The following DACH2 variants were observed in gnomAD, a reference collection of about 807,000 sequenced individuals.
DACH2 encodes the protein dachshund homolog 2.
A neutral mutation model predicts 35.8 loss-of-function variants in DACH2; 17 were observed. That is an observed-to-expected ratio of 0.48 (90% CI 0.33 to 0.71). The LOEUF (loss-of-function observed/expected upper bound fraction) is 0.71, where lower values mean the gene tolerates loss of function less well. DACH2 is among the 30% of genes least tolerant of loss of function. DACH2 has a pLI of 0.02. For synonymous variants in DACH2, 195 were observed against 177.3 expected (o/e 1.10, Z -0.79); for missense variants, 469 against 472.7 (o/e 0.99, Z 0.07).
intron 11 of DACH2, chrX:86,830,645 T>C (rs1401370839): frequency 2.7e-5 from 3 of 111,911 alleles, no homozygotes; most frequent in Admixed American, 1.9e-4. Flanking sequence ...TCGCTATTCA[T>C]TGCTGAGTTC....
chrX:86,416,958 G>C (rs1201074269), intron 2 of DACH2, among the ~76,000 whole-genome samples: 1 of 108,892 alleles, frequency 9.2e-6, no homozygotes, highest in Non-Finnish European at 1.9e-5. Flanking sequence ...GCCAAGTGTG[G>C]TCGTGGACAC....
At chrX:86,211,852 A>G (rs1048532677) in intron 1 of DACH2, among the ~76,000 whole-genome samples, 1 of 111,731 alleles carries the variant, frequency 9.0e-6, no homozygotes, top group Non-Finnish European at 1.9e-5. Flanking sequence ...CAGTTTACAG[A>G]AGTGATTCAG....
At chrX:86,242,538 C>T (rs181202834) in intron 1 of DACH2, among the ~76,000 whole-genome samples, 4 of 111,898 alleles carry the variant, frequency 3.6e-5, no homozygotes, top group East Asian at 2.8e-4. Flanking sequence ...TCAGATGAGA[C>T]TTTGGACTTA....
chrX:86,426,536 T>C (rs2036896502), intron 2 of DACH2, among the ~76,000 whole-genome samples: 1 of 111,945 alleles, frequency 8.9e-6, no homozygotes, highest in African/African-American at 3.2e-5. Flanking sequence ...CCCTAAACAA[T>C]TTTGCTAAAC....
chrX:86,193,212 G>A (rs764162544), intron 1 of DACH2, among the ~76,000 whole-genome samples: 2 of 111,728 alleles, frequency 1.8e-5, no homozygotes, highest in Non-Finnish European at 3.8e-5. Context: ...TGTAACTTAA[G>A]CCCATGCAGT....
At chrX:86,331,028 AAAG>A (rs973533036) in intron 1 of DACH2, among the ~76,000 whole-genome samples, 2 of 111,528 alleles carry the variant, frequency 1.8e-5, no homozygotes, top group East Asian at 2.8e-4. Flanking sequence ...GGAAAATGGG[AAAG>A]AAGGAGTATA....
intron 3 of DACH2, among the ~76,000 whole-genome samples, chrX:86,629,805 G>T: frequency 9.0e-6 from 1 of 110,661 alleles, no homozygotes; most frequent in East Asian, 2.8e-4. Flanking sequence ...ATTGAGTCTG[G>T]GGTGGTTGAG....
intron 2 of DACH2, among the ~76,000 whole-genome samples, chrX:86,464,606 C>T (rs758738192): frequency 9.0e-6 from 1 of 110,916 alleles, no homozygotes; most frequent in South Asian, 3.8e-4. Context: ...TTGATAGGTG[C>T]AGCAAACCAC....
At chrX:86,691,777 T>C (rs926778432) in intron 4 of DACH2, among the ~76,000 whole-genome samples, 1 of 111,789 alleles carries the variant, frequency 8.9e-6, no homozygotes, top group Non-Finnish European at 1.9e-5. Flanking sequence ...GTTTAAGCCA[T>C]CCTGTCTGTG....
At chrX:86,614,013 A>G (rs1047275866) in intron 3 of DACH2, among the ~76,000 whole-genome samples, 3 of 112,096 alleles carry the variant, frequency 2.7e-5, no homozygotes, top group Admixed American at 9.5e-5. Context: ...TTAAAAGTGA[A>G]CTAACTGTGT....
intron 3 of DACH2, among the ~76,000 whole-genome samples, chrX:86,527,541 G>T (rs1238050046): frequency 8.9e-6 from 1 of 111,826 alleles, no homozygotes; most frequent in Non-Finnish European, 1.9e-5. Context: ...CATTTTTATT[G>T]CTTAGCAGCA....
At chrX:86,160,902 T>A (rs2030731426) in intron 1 of DACH2, 8 of 638,187 alleles carry the variant, frequency 1.3e-5, no homozygotes, top group Non-Finnish European at 2.1e-5. Flanking sequence ...GTGGACATCC[T>A]GGAGAGGCAG....
At chrX:86,469,307 CA>C (rs1490334197) in intron 2 of DACH2, among the ~76,000 whole-genome samples, 1 of 110,694 alleles carries the variant, frequency 9.0e-6, no homozygotes, top group Non-Finnish European at 1.9e-5. Context: ...CAGTTATCAA[CA>C]ATATATTGTA....
At chrX:86,284,768 T>G (rs1436908831) in intron 1 of DACH2, among the ~76,000 whole-genome samples, 1 of 111,301 alleles carries the variant, frequency 9.0e-6, no homozygotes, top group East Asian at 2.8e-4. Context: ...AGCTTCGATC[T>G]CATTTCTTCC....
intron 2 of DACH2, among the ~76,000 whole-genome samples, chrX:86,427,455 A>G (rs1284644272): frequency 1.8e-5 from 2 of 111,099 alleles, no homozygotes; most frequent in African/African-American, 6.5e-5. Flanking sequence ...CTGAGCGTGT[A>G]GTGAATTGTC....
intron 4 of DACH2, among the ~76,000 whole-genome samples, chrX:86,685,521 C>T (rs780645174): frequency 8.9e-6 from 1 of 111,840 alleles, no homozygotes; most frequent in African/African-American, 3.2e-5. Context: ...TAAGATATAT[C>T]TTACAAGAGC....
At chrX:86,436,996 CTT>C (rs2037078125) in intron 2 of DACH2, among the ~76,000 whole-genome samples, 1 of 111,003 alleles carries the variant, frequency 9.0e-6, no homozygotes, top group African/African-American at 3.3e-5. Flanking sequence ...GCTGTCCCCT[CTT>C]TTATTTCTGA....
chrX:86,189,029 G>T (rs915864275), intron 1 of DACH2, among the ~76,000 whole-genome samples: 1 of 111,862 alleles, frequency 8.9e-6, no homozygotes, highest in Non-Finnish European at 1.9e-5. Context: ...GCTAGTAAAA[G>T]ATTAATTCGA....
intron 1 of DACH2, among the ~76,000 whole-genome samples, chrX:86,157,795 G>A (rs1368923548): frequency 2.7e-5 from 3 of 110,898 alleles, no homozygotes; most frequent in Non-Finnish European, 5.7e-5. Flanking sequence ...TTATTTTTAC[G>A]AACAGTATTT....
Sources: gnomAD v4.1 joint callset for allele counts (sites outside exome capture counted in the v4.1 genomes callset) on GRCh38, gnomAD v4.1.1 for gene constraint, MANE v1.5 for transcripts, NCBI Gene and HGNC (gene_info 2026-07-23, HGNC 2026-07-21) for gene names.